The following NHSL2 variants were observed in gnomAD, a reference collection of about 807,000 sequenced individuals.
The protein encoded by NHSL2 is NHS-like protein 2.
A neutral mutation model predicts 53.4 loss-of-function variants in NHSL2; 27 were observed. That is an observed-to-expected ratio of 0.51 (90% CI 0.37 to 0.70). NHSL2 has a LOEUF of 0.70. NHSL2 is among the 30% of genes least tolerant of loss of function. NHSL2 has a pLI of 0.00. For missense variants in NHSL2, 892 were observed against 980.1 expected, an observed-to-expected ratio of 0.91 and a Z score of 1.20; for synonymous variants, 408 against 404.1, an observed-to-expected ratio of 1.01 and a Z score of -0.12.
At chrX:72,120,358 T>C (rs1256326223) in intron 1 of NHSL2, among the ~76,000 whole-genome samples, 1 of 112,573 alleles carries the variant, frequency 8.9e-6, no homozygotes. Context: ...TTACTACTAA[T>C]TCAACCTCTT....
At chrX:72,131,994 T>C in intron 1 of NHSL2, 85 bp from the exon 2 acceptor site, 1 of 1,006,309 alleles carries the variant, frequency 9.9e-7, no homozygotes, top group Non-Finnish European at 1.4e-6. Context: ...GGGCGGGCCT[T>C]GGGGAACCGC....
chrX:71,954,415 T>A (rs1430946744), intron 1 of NHSL2, among the ~76,000 whole-genome samples: 2 of 112,532 alleles, frequency 1.8e-5, no homozygotes, highest in Non-Finnish European at 3.8e-5. Flanking sequence ...GCCTGGCGTG[T>A]GCTGCTGCGC....
chrX:71,927,320 G>T (rs1056474325), intron 1 of NHSL2, among the ~76,000 whole-genome samples: 2 of 111,921 alleles, frequency 1.8e-5, no homozygotes, highest in Non-Finnish European at 3.8e-5. Context: ...AACCAAAAAT[G>T]TGCCTTGAAG....
At chrX:72,066,635 C>T (rs756120540) in intron 1 of NHSL2, among the ~76,000 whole-genome samples, 6 of 111,727 alleles carry the variant, frequency 5.4e-5, no homozygotes, top group Non-Finnish European at 9.4e-5. Context: ...AGGGGTTCCG[C>T]GTCTGCTCTT....
At chrX:71,935,133 C>T (rs1369060254) in intron 1 of NHSL2, among the ~76,000 whole-genome samples, 2 of 112,179 alleles carry the variant, frequency 1.8e-5, no homozygotes, top group Non-Finnish European at 3.8e-5. Flanking sequence ...TCACACAGCA[C>T]CATTCCCGGG....
chrX:72,015,001 C>T (rs1832684111), intron 1 of NHSL2, among the ~76,000 whole-genome samples: 1 of 110,677 alleles, frequency 9.0e-6, no homozygotes, highest in Non-Finnish European at 1.9e-5. Context: ...ATATTTTTTT[C>T]TGTGGTATTT....
chrX:71,970,683 C>T (rs1248880771), intron 1 of NHSL2, among the ~76,000 whole-genome samples: 1 of 100,252 alleles, frequency 1.0e-5, no homozygotes, highest in African/African-American at 3.6e-5. Context: ...CTCTACTTTT[C>T]TAATATTTAT....
chrX:71,990,262 C>A (rs2042021733), intron 1 of NHSL2, among the ~76,000 whole-genome samples: 1 of 111,754 alleles, frequency 8.9e-6, no homozygotes, highest in African/African-American at 3.3e-5. Context: ...GGTCAAAAGG[C>A]CCAGACTCAA....
chrX:72,079,577 G>A (rs1430432407), intron 1 of NHSL2, among the ~76,000 whole-genome samples: 2 of 112,631 alleles, frequency 1.8e-5, no homozygotes, highest in African/African-American at 3.2e-5. Context: ...ATTGCTAGGC[G>A]TTGGGGGAAA....
chrX:71,935,680 TG>T (rs776506282), intron 1 of NHSL2, among the ~76,000 whole-genome samples: 1 of 112,456 alleles, frequency 8.9e-6, no homozygotes, highest in East Asian at 2.8e-4. Flanking sequence ...ATTCAGATGC[TG>T]GTTGCCAAAC....
rs776404035 is a variant in NHSL2 at position 71,925,999 on chromosome X, CT to C, written c.280+14635del. On this transcript the variant is annotated intron_variant, in intron 1 of 7. Transcript: ENST00000633930. ...AGTTGGGATAGGATCTGATGGAGGG[CT>C]TTCTAGTGGATTGCAAGAGATTCAG... Among the ~76,000 whole-genome samples, 357 of 111,133 alleles carry C rather than the reference CT, an allele frequency of 3.2e-3. 1 individual carries two copies. The highest frequency in any genetic ancestry group is 1.7e-3 in the Non-Finnish European group (88 of 53,009).
chrX:71,995,536 C>T (rs1012712740), intron 1 of NHSL2, among the ~76,000 whole-genome samples: 15 of 111,907 alleles, frequency 1.3e-4, no homozygotes, highest in Admixed American at 3.8e-4. Flanking sequence ...CCCAAACAGC[C>T]TCCAGGGGCT....
At chrX:72,025,386 C>T (rs947908477) in intron 1 of NHSL2, among the ~76,000 whole-genome samples, 6 of 112,021 alleles carry the variant, frequency 5.4e-5, no homozygotes, top group African/African-American at 1.9e-4. Flanking sequence ...GGAGGCTTGG[C>T]CAGGCTCTGT....
intron 1 of NHSL2, among the ~76,000 whole-genome samples, chrX:71,997,697 T>C (rs771101391): frequency 9.0e-6 from 1 of 111,487 alleles, no homozygotes; most frequent in East Asian, 2.8e-4. Flanking sequence ...ATCTTTAAAA[T>C]GGGAATAATC....
At chrX:72,059,963 G>T (rs2042390687) in intron 1 of NHSL2, among the ~76,000 whole-genome samples, 1 of 111,787 alleles carries the variant, frequency 8.9e-6, no homozygotes, top group Admixed American at 9.5e-5. Context: ...TTTACTGAGG[G>T]GCGGCTTGGT....
In NHSL2 at chrX:72,129,671, G is replaced by A. The variant is rs964488670; in HGVS notation, c.281-2408G>A. 1.9e-4 allele frequency: 101 copies of A among 529,366 alleles called. 1 individual carries two copies. Among genetic ancestry groups the A allele is most frequent in the Non-Finnish European group, 6.9e-5 (23 of 334,515 alleles). The allele number at this position is 529,366 out of a possible 1,213,427, so 43.6% of individuals were successfully genotyped here. A position where few individuals can be genotyped will look rare whatever the true frequency, so the allele number is the denominator to read the frequency against. ...TGGGCACACGTCGCTCTCTGGTCAC[G>A]GTTGCAAGATGGTCTGGAATTCTGC... On this transcript the variant is annotated intron_variant, in intron 1 of 7. Coordinates refer to ENST00000633930, the MANE Select transcript of NHSL2 (RefSeq NM_001013627.3).
rs753866872 is a variant in NHSL2 at position 72,046,113 on chromosome X, A to T, written c.281-85966A>T. Among the ~76,000 whole-genome samples the T allele has an allele frequency of 3.6e-4, 40 of 112,255 alleles. 1 individual carries two copies. The highest frequency in any genetic ancestry group is 4.5e-4 in the Non-Finnish European group (24 of 53,224). ...CATTGGTCCTGGGATGTTGCTAAGC[A>T]CTTTCATTGGTCTGTTTCCCCGAAT... is the stretch of plus-strand genomic sequence containing the variant. On this transcript the variant is annotated intron_variant, in intron 1 of 7. Transcript: ENST00000633930.
intron 2 of NHSL2, among the ~76,000 whole-genome samples, chrX:72,132,869 G>A (rs1444404404): frequency 8.9e-6 from 1 of 112,106 alleles, no homozygotes; most frequent in Non-Finnish European, 1.9e-5. Context: ...TGGATGTTGA[G>A]CATGAAAAGA....
chrX:72,132,836 C>T (rs759332566), intron 2 of NHSL2, among the ~76,000 whole-genome samples: 1 of 112,261 alleles, frequency 8.9e-6, no homozygotes, highest in African/African-American at 3.2e-5. Flanking sequence ...GGATTCCCTC[C>T]CCACCTGCCA....
Sources: gnomAD v4.1 joint callset for allele counts (sites outside exome capture counted in the v4.1 genomes callset) on GRCh38, gnomAD v4.1.1 for gene constraint, MANE v1.5 for transcripts, NCBI Gene and HGNC (gene_info 2026-07-23, HGNC 2026-07-21) for gene names.